Variants in FBXO36 observed in about 807,000 individuals in gnomAD.
FBXO36 encodes the protein F-box only protein 36.
In FBXO36, 18 loss-of-function variants were observed where a neutral mutation model predicts 17.0. That is an observed-to-expected ratio of 1.06 (90% confidence interval 0.73 to 1.57). The LOEUF (loss-of-function observed/expected upper bound fraction) is 1.57. Ranked by LOEUF, FBXO36 falls within the 40% of genes most tolerant of loss-of-function variation. FBXO36 has a pLI of 0.00. For missense variants in FBXO36, 229 were observed against 221.9 expected, an observed-to-expected ratio of 1.03 and a Z score of -0.20; for synonymous variants, 83 against 85.3, an observed-to-expected ratio of 0.97 and a Z score of 0.15.
chr2:229,986,123 G>C (rs1488923240), intron 2 of FBXO36, among the ~76,000 whole-genome samples: 1 of 152,142 alleles, frequency 6.6e-6, no homozygotes, highest in Non-Finnish European at 1.5e-5. Context: ...TGTGTTTCTA[G>C]TTCCAGGACA....
chr2:229,925,889 A>G (rs569095582), intron 1 of FBXO36, among the ~76,000 whole-genome samples: 2 of 152,202 alleles, frequency 1.3e-5, no homozygotes, highest in South Asian at 4.1e-4. Flanking sequence ...TATTCAAATA[A>G]ATAACTTTTG....
rs182622903 is a variant in FBXO36 at position 229,978,693 on chromosome 2, C to T, written c.205+2344C>T. ...TTTCTATTAATATCAAGTACTTTCACTCTCATTTTATTGTTATAACATCCT... is the reference window on the plus strand; with the variant it reads ...TTTCTATTAATATCAAGTACTTTCATTCTCATTTTATTGTTATAACATCCT... On this transcript the variant is annotated intron_variant, in intron 2 of 3. Coordinates refer to ENST00000283946, the MANE Select transcript of FBXO36 (RefSeq NM_174899.5). Among the ~76,000 whole-genome samples the T allele has an allele frequency of 2.0e-5, 3 of 152,238 alleles. No homozygotes were observed. In the East Asian group the frequency reaches 5.8e-4, roughly 29 times the overall value.
rs2077422220 is a variant in FBXO36 at position 230,012,761 on chromosome 2, A to C, written c.*1877A>C. 4 of 151,816 alleles carry C rather than the reference A, an allele frequency of 2.6e-5. No homozygotes were observed. The South Asian group carries it at 8.3e-4, about 31-fold the overall frequency. The allele number at this position is 151,816 out of a possible 1,614,324, so 9.4% of individuals were successfully genotyped here. ...CAATTACGTATGTCAACATAACTTC[A>C]TAAATATGTAACTGTAACTTATTGG... On this transcript the variant is annotated 3_prime_UTR_variant, in exon 4 of 4. Transcript: ENST00000283946.
At chr2:229,996,629 A>G (rs1182395424) in intron 2 of FBXO36, 122 bp from the exon 3 acceptor site, 1 of 1,071,936 alleles carries the variant, frequency 9.3e-7, no homozygotes, top group Non-Finnish European at 1.3e-6. Flanking sequence ...AGTAGGAATG[A>G]CTTAGCATCA....
In FBXO36 at chr2:229,932,744, TTTTTC is replaced by T. The variant is rs201158791; in HGVS notation, c.96+10153_96+10157del. The T allele has an allele frequency of 6.2e-3, 990 of 159,844 alleles. 9 individuals carry two copies. Among genetic ancestry groups the T allele is most frequent in the African/African-American group, 0.021 (880 of 41,606 alleles). 9.9% of individuals were successfully genotyped at this position (159,844 alleles called of 1,614,324 possible). On this transcript the variant is annotated intron_variant, in intron 1 of 3. Transcript: ENST00000283946. The stretch of plus-strand genomic sequence containing the variant: ...CTGGAAAAAGCACTGGAGTTTTGTT[TTTTTC>T]TTTTCTTTTCTTTTCTTACAGAAAA...
intron 2 of FBXO36, among the ~76,000 whole-genome samples, chr2:229,990,399 A>C (rs969230895): frequency 2.6e-5 from 4 of 151,824 alleles, no homozygotes; most frequent in Non-Finnish European, 5.9e-5. Context: ...TCAGGTTATC[A>C]GGTTAAGGAT....
intron 2 of FBXO36, among the ~76,000 whole-genome samples, chr2:229,982,717 GAATCGCTT>G (rs1421049205): frequency 7.0e-6 from 1 of 142,160 alleles, no homozygotes; most frequent in Non-Finnish European, 1.5e-5. Flanking sequence ...TGAGGGAGGA[GAATCGCTT>G]GAAACTGGGA....
chr2:229,975,600 A>G (rs2077203455), intron 1 of FBXO36, among the ~76,000 whole-genome samples: 1 of 151,056 alleles, frequency 6.6e-6, no homozygotes, highest in South Asian at 2.1e-4. Context: ...TCAGCCTCAC[A>G]AGTAGTGGGG....
At chr2:229,973,006 G>A (rs2077188719) in intron 1 of FBXO36, among the ~76,000 whole-genome samples, 1 of 151,546 alleles carries the variant, frequency 6.6e-6, no homozygotes, top group African/African-American at 2.4e-5. Context: ...AGGTTGCAGT[G>A]AGCCGAGATC....
At chr2:229,976,092 G>T (rs944295773) in intron 1 of FBXO36, 149 bp from the exon 2 acceptor site, 1 of 572,830 alleles carries the variant, frequency 1.7e-6, no homozygotes, top group Non-Finnish European at 3.1e-6. Context: ...ATGCCCAGAG[G>T]TTAATTCTAA....
chr2:229,944,208 C>T (rs1245714100), intron 1 of FBXO36, among the ~76,000 whole-genome samples: 2 of 152,186 alleles, frequency 1.3e-5, no homozygotes, highest in Non-Finnish European at 2.9e-5. Flanking sequence ...ATACACCACC[C>T]TTCTCAAAGA....
chr2:230,000,355 CAAAAAAAAAAA>C (rs3086348), intron 3 of FBXO36, among the ~76,000 whole-genome samples: 20 of 77,466 alleles, frequency 2.6e-4, no homozygotes, highest in Middle Eastern at 6.8e-3. Flanking sequence ...GAGACTGTCT[CAAAAAAAAAAA>C]AAAAAAAAAA....
intron 1 of FBXO36, among the ~76,000 whole-genome samples, chr2:229,951,029 G>A (rs577970469): frequency 6.6e-6 from 1 of 152,128 alleles, no homozygotes; most frequent in African/African-American, 2.4e-5. Context: ...CGCCTCCTGG[G>A]TTCAAGCGAT....
At position 229,988,844 on chromosome 2, in the gene FBXO36, GT is replaced by G. The variant is rs1288831197; in HGVS notation, c.206-7894del. On this transcript the variant is annotated intron_variant, in intron 2 of 3. Coordinates refer to ENST00000283946, the MANE Select transcript of FBXO36 (RefSeq NM_174899.5). ...TGCTGGCCTGTTTTTTTTTTTTTTT[GT>G]TTTTTTTTTTTTACCGCATAGTATT... Among the ~76,000 whole-genome samples the G allele has an allele frequency of 5.1e-3, 584 of 114,730 alleles. 4 individuals carry two copies. The highest frequency in any genetic ancestry group is 0.018 in the African/African-American group (522 of 29,594). 75.3% of individuals were successfully genotyped at this position (114,730 alleles called of 152,430 possible). A position where few individuals can be genotyped will look rare whatever the true frequency, so the allele number is the denominator to read the frequency against.
At chr2:229,974,802 T>G (rs893259700) in intron 1 of FBXO36, among the ~76,000 whole-genome samples, 2 of 152,182 alleles carry the variant, frequency 1.3e-5, no homozygotes, top group African/African-American at 4.8e-5. Flanking sequence ...CAGGCCTGTG[T>G]TGCTGTAAAA....
chr2:229,982,953 G>A (rs1253708485), intron 2 of FBXO36, among the ~76,000 whole-genome samples: 6 of 151,992 alleles, frequency 3.9e-5, no homozygotes, highest in Admixed American at 6.6e-5. Context: ...AATCAAAAAC[G>A]TTGCTGAATT....
chr2:229,949,911 C>T (rs1456290511), intron 1 of FBXO36, among the ~76,000 whole-genome samples: 1 of 152,106 alleles, frequency 6.6e-6, no homozygotes, highest in Non-Finnish European at 1.5e-5. Context: ...GGTGACAGAG[C>T]GAGACTCCGT....
chr2:229,938,216 C>CTTT (rs71049603), intron 1 of FBXO36, among the ~76,000 whole-genome samples: 11,067 of 73,168 alleles, frequency 0.15, 1,319 homozygotes, highest in East Asian at 0.22. Context: ...ATACAACTTT[C>CTTT]TTTTTTTTTT....
intron 1 of FBXO36, among the ~76,000 whole-genome samples, chr2:229,966,429 G>A (rs553846088): frequency 2.3e-4 from 35 of 152,232 alleles, no homozygotes; most frequent in South Asian, 4.1e-4. Flanking sequence ...ATTGCTTTTC[G>A]TGTTTTAGAA....
Sources: gnomAD v4.1 joint callset for allele counts (sites outside exome capture counted in the v4.1 genomes callset) on GRCh38, gnomAD v4.1.1 for gene constraint, MANE v1.5 for transcripts, NCBI Gene and HGNC (gene_info 2026-07-23, HGNC 2026-07-21) for gene names.